The following PCDHA2 variants were observed in gnomAD, a reference collection of about 807,000 sequenced individuals.
The protein encoded by PCDHA2 is protocadherin alpha 2.
A neutral mutation model predicts 66.0 loss-of-function variants in PCDHA2; 58 were observed. That is an observed-to-expected ratio of 0.88 (90% CI 0.71 to 1.09). PCDHA2 has a LOEUF of 1.09. PCDHA2 is among the 50% of genes least tolerant of loss of function. PCDHA2 has a pLI of 0.00. For missense variants in PCDHA2, 1,267 were observed against 1,242.3 expected (o/e 1.02, Z -0.30); for synonymous variants, 634 against 554.0 (o/e 1.14, Z -2.03).
Position 140,882,483 on chromosome 5 carries a change from G to C in PCDHA2, c.2388+85131G>C. ...TTCCGGGTGGCGTCCAAAAGACACG[G>C]GGACCTTCTGGAGGTAAATCTGCAG... On this transcript the variant is annotated intron_variant, in intron 1 of 3. Coordinates refer to ENST00000526136, the MANE Select transcript of PCDHA2 (RefSeq NM_018905.3). 2 of 1,614,080 alleles carry C rather than the reference G, an allele frequency of 1.2e-6. No individual in the cohort carries two copies. Among genetic ancestry groups the C allele is most frequent in the Non-Finnish European group, 1.7e-6 (2 of 1,180,052 alleles).
At chr5:140,883,471 C>G (rs781812025) in intron 1 of PCDHA2, 4 of 1,614,182 alleles carry the variant, frequency 2.5e-6, no homozygotes, top group Non-Finnish European at 3.4e-6. Flanking sequence ...TGTCCACCTA[C>G]AAGAACTACT....
chr5:140,796,827 G>T lies in PCDHA2; in HGVS notation c.1863G>T (p.Pro621=), dbSNP rs781990389. 7 of 1,614,000 alleles carry T rather than the reference G, an allele frequency of 4.3e-6. No individual in the cohort carries two copies. In the South Asian group the frequency reaches 5.5e-5, roughly 13 times the overall value. ...LQLGTGSARI[P]FRVGLYTGEI... is the part of the protein sequence containing the mutation. The stretch of plus-strand genomic sequence containing the variant: ...TGGGTACTGGCAGCGCTCGCATCCC[G>T]TTCCGCGTGGGGCTATACACGGGTG... Residue 621 remains proline (P), a synonymous_variant, in exon 1 of 4, where the codon CCG becomes CCT. Transcript: ENST00000526136.
chr5:140,821,774 A>G (rs2150110561), intron 1 of PCDHA2: 43 of 1,605,178 alleles, frequency 2.7e-5, no homozygotes, highest in Non-Finnish European at 3.7e-5. Flanking sequence ...AACGAGATTG[A>G]GATGGTATAT....
chr5:140,862,480 G>A (rs1293172271), intron 1 of PCDHA2: 1 of 381,094 alleles, frequency 2.6e-6, no homozygotes, highest in East Asian at 7.1e-5. Flanking sequence ...TCTATCCATT[G>A]TTGGTAATCG....
At chr5:140,805,891 A>C (rs1763646842) in intron 1 of PCDHA2, among the ~76,000 whole-genome samples, 1 of 152,340 alleles carries the variant, frequency 6.6e-6, no homozygotes, top group Non-Finnish European at 1.5e-5. Flanking sequence ...GAAGGAAGCA[A>C]ACATTTTCTG....
At chr5:140,906,914 GC>G (rs2073038837) in intron 1 of PCDHA2, among the ~76,000 whole-genome samples, 1 of 152,182 alleles carries the variant, frequency 6.6e-6, no homozygotes, top group Admixed American at 6.5e-5. Context: ...GGTAGGAGGA[GC>G]CCAAAAAGTG....
intron 3 of PCDHA2, among the ~76,000 whole-genome samples, chr5:140,985,577 G>GC (rs1195077647): frequency 6.6e-6 from 1 of 152,116 alleles, no homozygotes; most frequent in Non-Finnish European, 1.5e-5. Flanking sequence ...TGGTGCCTAA[G>GC]CCTCCTTATA....
chr5:140,801,296 C>T (rs1554121368), intron 1 of PCDHA2: 2 of 1,613,510 alleles, frequency 1.2e-6, no homozygotes, highest in East Asian at 4.5e-5. Context: ...AGCTCCACTA[C>T]TCCGTCTCTG....
intron 1 of PCDHA2, chr5:140,883,418 C>G: frequency 6.2e-7 from 1 of 1,614,172 alleles, no homozygotes; most frequent in Non-Finnish European, 8.5e-7. Context: ...CTCAAATGGA[C>G]AGGTCACCTG....
intron 1 of PCDHA2, chr5:140,829,433 A>T: frequency 6.2e-7 from 1 of 1,614,022 alleles, no homozygotes; most frequent in Non-Finnish European, 8.5e-7. Context: ...GGTGGCCGAC[A>T]TGAATGACAA....
rs7710953 is a variant in PCDHA2 at position 140,852,165 on chromosome 5, C to T, written c.2388+54813C>T. On this transcript the variant is annotated intron_variant, in intron 1 of 3. Coordinates refer to ENST00000526136, the MANE Select transcript of PCDHA2 (RefSeq NM_018905.3). ...GATCAGAATGGCCTTGAGAATAGAGCCACAAAAATAACTATGAAAATGCCA... is the reference window on the plus strand; with the variant it reads ...GATCAGAATGGCCTTGAGAATAGAGTCACAAAAATAACTATGAAAATGCCA... 4.5e-3 allele frequency: 3,690 copies of T among 821,522 alleles called. 269 individuals are homozygous for T. In the African/African-American group the frequency reaches 0.065, roughly 14 times the overall value. 50.9% of individuals were successfully genotyped at this position (821,522 alleles called of 1,614,324 possible).
In PCDHA2 at chr5:140,804,882, C is replaced by T. The variant is rs1554123162; in HGVS notation, c.2388+7530C>T. 2.2e-5 allele frequency: 13 copies of T among 589,228 alleles called. No individual in the cohort carries two copies. The Admixed American group carries it at 2.3e-4, about 11-fold the overall frequency. The allele number at this position is 589,228 out of a possible 1,614,324, so 36.5% of individuals were successfully genotyped here. A position where few individuals can be genotyped will look rare whatever the true frequency, so the allele number is the denominator to read the frequency against. On this transcript the variant is annotated intron_variant, in intron 1 of 3. Coordinates refer to ENST00000526136, the MANE Select transcript of PCDHA2 (RefSeq NM_018905.3). ...GTAAAATAGATATTTTTCTTGACTC[C>T]TCTCCTTCCCCTCACTTCCATTTTC... is the stretch of plus-strand genomic sequence containing the variant.
At position 140,863,585 on chromosome 5, in the gene PCDHA2, A is replaced by G. The variant is rs1365017699; in HGVS notation, c.2388+66233A>G. ...GAGAATATAAGTACTGTAATCCTGG[A>G]AAGTATTTCATTCCTATTAATGTCC... On this transcript the variant is annotated intron_variant, in intron 1 of 3. Coordinates refer to ENST00000526136, the MANE Select transcript of PCDHA2 (RefSeq NM_018905.3). The G allele has an allele frequency of 3.6e-5, 13 of 361,228 alleles. No homozygotes were observed. The East Asian group carries it at 7.6e-4, about 21-fold the overall frequency. The allele number at this position is 361,228 out of a possible 1,614,324, so 22.4% of individuals were successfully genotyped here.
At chr5:141,004,679 TG>T in intron 3 of PCDHA2, among the ~76,000 whole-genome samples, 1 of 152,160 alleles carries the variant, frequency 6.6e-6, no homozygotes, top group South Asian at 2.1e-4. Context: ...GACTGTGGAG[TG>T]GTGCTGAAAC....
At position 140,832,567 on chromosome 5, in the gene PCDHA2, G is replaced by A. The variant is rs138843846; in HGVS notation, c.2388+35215G>A. 2.6e-5 allele frequency among the ~76,000 whole-genome samples: 4 copies of A among 152,302 alleles called. No individual in the cohort carries two copies. The East Asian group carries it at 7.7e-4, about 29-fold the overall frequency. On this transcript the variant is annotated intron_variant, in intron 1 of 3. Coordinates refer to ENST00000526136, the MANE Select transcript of PCDHA2 (RefSeq NM_018905.3). ...AATGATATCTAACAGCCTCAAAACAGCATACTTTCTTAGGAAGTAGAGAAC... is the reference window on the plus strand; with the variant it reads ...AATGATATCTAACAGCCTCAAAACAACATACTTTCTTAGGAAGTAGAGAAC...
At position 140,836,487 on chromosome 5, in the gene PCDHA2, A is replaced by G. The variant is rs1774512813; in HGVS notation, c.2388+39135A>G. On this transcript the variant is annotated intron_variant, in intron 1 of 3. Transcript: ENST00000526136. The stretch of plus-strand genomic sequence containing the variant: ...GGTGGATGTCAACGTGTACCTGATC[A>G]TCGCCATCTGCGCGGTGTCCAGTCT... 1 of 1,613,880 alleles carries G rather than the reference A, an allele frequency of 6.2e-7. No individual in the cohort carries two copies. The highest frequency in any genetic ancestry group is 8.5e-7 in the Non-Finnish European group (1 of 1,179,854).
At chr5:140,829,352 T>C (rs2150166449) in intron 1 of PCDHA2, 1 of 1,614,230 alleles carries the variant, frequency 6.2e-7, no homozygotes, top group Non-Finnish European at 8.5e-7. Flanking sequence ...CGTGTCGGCC[T>C]ATGAGTTGGT....
Position 140,797,349 on chromosome 5 carries a change from A to G in PCDHA2, c.2385A>G (p.Gly795=). The change falls in exon 1 of 4, where the codon GGA becomes GGG. Residue 795 remains glycine, a synonymous_variant. Coordinates refer to ENST00000526136, the MANE Select transcript of PCDHA2 (RefSeq NM_018905.3). ...EKQLSESEYV[G]KPRQPNPDWR... ...AGCTCTCAGAATCAGAATACGTAGG[A>G]AAGGTGAGTCTTTTACTTTTTCTTG... The G allele has an allele frequency of 6.2e-7, 1 of 1,613,848 alleles. No individual in the cohort carries two copies. The highest frequency in any genetic ancestry group is 1.6e-4 in the Middle Eastern group (1 of 6,062).
chr5:140,797,006 G>C lies in PCDHA2; in HGVS notation c.2042G>C (p.Arg681Pro). Residue 681 changes from arginine (R) to proline (P), a missense_variant, in exon 1 of 4, where the codon CGG (arginine) becomes CCG (proline). Transcript: ENST00000526136. ...GGCCAGGCACCCAAGGCCTCGTCGC[G>C]GGCGTGGGTGGGCGCCGCGGGCTCA... is the stretch of plus-strand genomic sequence containing the variant. ...ESGQAPKASS[R>P]AWVGAAGSEA... The C allele has an allele frequency of 6.2e-7, 1 of 1,613,706 alleles. No homozygotes were observed. The highest frequency in any genetic ancestry group is 8.5e-7 in the Non-Finnish European group (1 of 1,179,970).
Sources: allele counts gnomAD v4.1 joint callset (sites outside exome capture counted in the v4.1 genomes callset), GRCh38; gene constraint gnomAD v4.1.1; transcripts MANE v1.5; gene names NCBI Gene and HGNC (gene_info 2026-07-23, HGNC 2026-07-21).